MIB1: variants seen among roughly 807,000 people sequenced by gnomAD.
MIB1 encodes E3 ubiquitin-protein ligase MIB1.
Under a neutral mutation model 124.5 loss-of-function variants are expected in MIB1, and 278 were observed. That is an observed-to-expected ratio of 2.23 (90% CI 2.02 to 2.47). The LOEUF (loss-of-function observed/expected upper bound fraction) is 2.47. Among genes scored for constraint, MIB1 ranks in the 30% most tolerant of loss-of-function variants. The pLI, the probability that MIB1 is intolerant of heterozygous loss-of-function variation, is 0.00. For synonymous variants in MIB1, 446 were observed against 429.4 expected, an observed-to-expected ratio of 1.04 and a Z score of -0.48; for missense variants, 957 against 1,254.4, an observed-to-expected ratio of 0.76 and a Z score of 3.58.
rs976032876 is a variant in MIB1 at position 21,843,064 on chromosome 18, G to C, written c.1963-67G>C. 7.1e-6 allele frequency: 8 copies of C among 1,122,364 alleles called. No homozygotes were observed. The Admixed American group carries it at 1.4e-4, about 20-fold the overall frequency. 69.5% of individuals were successfully genotyped at this position (1,122,364 alleles called of 1,614,324 possible). ...CGGTGTTATTTATTCCTTATGAGTAGTTATAGTTTTCATGTTCTTTACTGT... is the reference window on the plus strand; with the variant it reads ...CGGTGTTATTTATTCCTTATGAGTACTTATAGTTTTCATGTTCTTTACTGT... On this transcript the variant is annotated intron_variant, in intron 13 of 20. Coordinates refer to ENST00000261537, the MANE Select transcript of MIB1 (RefSeq NM_020774.4).
At chr18:21,763,285 A>G (rs2041119731) in intron 1 of MIB1, among the ~76,000 whole-genome samples, 2 of 152,160 alleles carry the variant, frequency 1.3e-5, no homozygotes, top group South Asian at 2.1e-4. Flanking sequence ...TTGAGGTAGC[A>G]GTTTTACCAT....
intron 4 of MIB1, 35 bp downstream of exon 4, chr18:21,773,763 A>C: frequency 7.7e-7 from 1 of 1,306,248 alleles, no homozygotes; most frequent in African/African-American, 1.5e-5. Context: ...GTGAAAGAAA[A>C]TGTTGGATGG....
At chr18:21,795,147 T>G (rs990012625) in intron 7 of MIB1, among the ~76,000 whole-genome samples, 1 of 151,060 alleles carries the variant, frequency 6.6e-6, no homozygotes, top group Non-Finnish European at 1.5e-5. Context: ...CTGTTTGCCT[T>G]TTAGTTGTAT....
At chr18:21,760,082 T>C (rs2041081077) in intron 1 of MIB1, among the ~76,000 whole-genome samples, 1 of 152,176 alleles carries the variant, frequency 6.6e-6, no homozygotes, top group Admixed American at 6.6e-5. Flanking sequence ...GCAGATGTCT[T>C]CATAAAGCCT....
chr18:21,832,436 A>G (rs973319996), intron 12 of MIB1, among the ~76,000 whole-genome samples: 1 of 152,190 alleles, frequency 6.6e-6, no homozygotes, highest in Non-Finnish European at 1.5e-5. Flanking sequence ...TTAAATTTTA[A>G]TAGCATATTC....
intron 12 of MIB1, among the ~76,000 whole-genome samples, chr18:21,830,287 A>G (rs919465453): frequency 4.6e-5 from 7 of 152,172 alleles, no homozygotes; most frequent in Non-Finnish European, 8.8e-5. Context: ...AATAGAAGCT[A>G]ATAGTTTTAG....
chr18:21,757,451 CAA>C (rs1202189616), intron 1 of MIB1, among the ~76,000 whole-genome samples: 8 of 13,284 alleles, frequency 6.0e-4, no homozygotes, highest in Non-Finnish European at 8.4e-4. Flanking sequence ...GACTCTGTCT[CAA>C]AAAAAAAAAA....
At position 21,741,179 on chromosome 18, in the gene MIB1, C is replaced by T. The variant is rs1346110162; in HGVS notation, c.-405C>T. On this transcript the variant is annotated 5_prime_UTR_variant, in exon 1 of 21. Transcript: ENST00000261537. The surrounding 1 kb of genome is among the most constrained non-coding windows in gnomAD (Gnocchi z 5.4). ...GTTAAGCTTGCTCCCCGCCGCCCCC[C>T]TCGGGCTAGCCTCCCCCGGCCCCCT... The T allele has an allele frequency of 2.0e-5, 3 of 151,956 alleles. No individual in the cohort carries two copies. Among genetic ancestry groups the T allele is most frequent in the African/African-American group, 7.3e-5 (3 of 41,370 alleles). 9.4% of individuals were successfully genotyped at this position (151,956 alleles called of 1,614,324 possible).
At chr18:21,861,387 A>G (rs1053249605) in intron 20 of MIB1, among the ~76,000 whole-genome samples, 3 of 152,074 alleles carry the variant, frequency 2.0e-5, no homozygotes, top group Non-Finnish European at 4.4e-5. Context: ...TTTTGAACAC[A>G]TCTTCTATAA....
At chr18:21,791,612 T>A (rs1198265776) in intron 7 of MIB1, 55 bp downstream of exon 7, 1 of 1,380,316 alleles carries the variant, frequency 7.2e-7, no homozygotes, top group African/African-American at 1.5e-5. Context: ...TTATGTCATT[T>A]TTAAAAGTAA....
In MIB1 at chr18:21,838,404, G is replaced by A; in HGVS notation, c.1869G>A (p.Trp623Ter). The A allele has an allele frequency of 6.2e-7, 1 of 1,608,186 alleles. No homozygotes were observed. Among genetic ancestry groups the A allele is most frequent in the Non-Finnish European group, 8.5e-7 (1 of 1,175,920 alleles). The change falls in exon 13 of 21, where the codon TGG becomes TGA. Residue 623 changes from tryptophan (W) to a stop codon, truncating the protein, a stop_gained. Coordinates refer to ENST00000261537, the MANE Select transcript of MIB1 (RefSeq NM_020774.4). LOFTEE classifies it high-confidence loss of function. ...RVLLSKLPRP[W>*]IVDEKKDDGY... ...TACTATCTAAATTACCAAGACCATG[G>A]ATTGTGGATGAGAAGAAAGATGATG...
At chr18:21,744,392 TTC>T (rs2040890133) in intron 1 of MIB1, among the ~76,000 whole-genome samples, 1 of 152,224 alleles carries the variant, frequency 6.6e-6, no homozygotes, top group Non-Finnish European at 1.5e-5. Context: ...TTTACCCACC[TTC>T]TTCAGCTGTT....
intron 20 of MIB1, among the ~76,000 whole-genome samples, chr18:21,859,991 A>G (rs1259843202): frequency 1.3e-5 from 2 of 149,602 alleles, no homozygotes; most frequent in African/African-American, 2.5e-5. Flanking sequence ...AGTAGTCATC[A>G]GTGGGGGATA....
At chr18:21,743,786 G>A (rs1387416565) in intron 1 of MIB1, among the ~76,000 whole-genome samples, 1 of 151,998 alleles carries the variant, frequency 6.6e-6, no homozygotes, top group Non-Finnish European at 1.5e-5. Flanking sequence ...AAGTATCTAG[G>A]GTAAAGTGTA....
intron 11 of MIB1, among the ~76,000 whole-genome samples, chr18:21,818,568 C>T (rs1443008382): frequency 6.6e-6 from 1 of 152,124 alleles, no homozygotes; most frequent in African/African-American, 2.4e-5. Flanking sequence ...CCTTGAGAGG[C>T]TCATGTGGGA....
intron 1 of MIB1, among the ~76,000 whole-genome samples, chr18:21,713,695 C>T (rs2071830678): frequency 6.7e-6 from 1 of 149,460 alleles, no homozygotes; most frequent in Admixed American, 6.7e-5. Context: ...AATCCTGCCA[C>T]CTTGGCCTCC....
intron 1 of MIB1, among the ~76,000 whole-genome samples, chr18:21,765,286 A>T (rs914815451): frequency 1.3e-5 from 2 of 152,202 alleles, no homozygotes; most frequent in Non-Finnish European, 2.9e-5. Flanking sequence ...TTTCCTGACT[A>T]TGGGAAAAAC....
intron 1 of MIB1, among the ~76,000 whole-genome samples, chr18:21,733,070 G>A (rs1288047103): frequency 7.2e-5 from 11 of 152,076 alleles, no homozygotes; most frequent in Non-Finnish European, 1.5e-4. Context: ...TGCTTTGATT[G>A]TACTTTGTCT....
intron 12 of MIB1, among the ~76,000 whole-genome samples, chr18:21,835,353 AAGG>A (rs1568220386): frequency 1.3e-5 from 2 of 152,184 alleles, no homozygotes; most frequent in Non-Finnish European, 2.9e-5. Context: ...GAGTTTTAAA[AAGG>A]AGAAACGGCA....
Sources: allele counts gnomAD v4.1 joint callset (sites outside exome capture counted in the v4.1 genomes callset), GRCh38; gene constraint gnomAD v4.1.1; non-coding constraint Gnocchi (gnomAD v3.1); transcripts MANE v1.5; gene names NCBI Gene and HGNC (gene_info 2026-07-23, HGNC 2026-07-21).